SP140L: variants seen among roughly 807,000 people sequenced by gnomAD.
SP140L encodes the protein nuclear body protein SP140-like protein.
A neutral mutation model predicts 84.3 loss-of-function variants in SP140L; 64 were observed. That is an observed-to-expected ratio of 0.76 (90% CI 0.62 to 0.94). SP140L has a LOEUF of 0.94. Among genes scored for constraint, SP140L ranks in the 40% least tolerant of loss-of-function variants. SP140L has a pLI of 0.00. For missense variants in SP140L, 628 were observed against 692.5 expected (o/e 0.91, Z 1.05); for synonymous variants, 242 against 236.9 (o/e 1.02, Z -0.20).
intron 7 of SP140L, among the ~76,000 whole-genome samples, chr2:230,376,261 A>G (rs2061237857): frequency 6.6e-6 from 1 of 152,174 alleles, no homozygotes; most frequent in South Asian, 2.1e-4. Flanking sequence ...TAGTCAGAGC[A>G]ATTAGGCAAG....
In SP140L at chr2:230,398,322, T is replaced by G. The variant is rs181135209; in HGVS notation, c.1197+1524T>G. On this transcript the variant is annotated intron_variant, in intron 14 of 18. Coordinates refer to ENST00000415673, the MANE Select transcript of SP140L (RefSeq NM_138402.6). ...TAGCATTTTATATACTCTCCTGAGA[T>G]GAGTCTAATGTACAGCCAGGCCAAC... is the stretch of plus-strand genomic sequence containing the variant. 2.2e-3 allele frequency among the ~76,000 whole-genome samples: 338 copies of G among 152,272 alleles called. 2 individuals carry two copies. Among genetic ancestry groups the G allele is most frequent in the African/African-American group, 7.4e-3 (309 of 41,544 alleles).
intron 5 of SP140L, 61 bp from the exon 6 acceptor site, chr2:230,370,847 C>A: frequency 6.5e-7 from 1 of 1,545,346 alleles, no homozygotes; most frequent in South Asian, 1.1e-5. Context: ...CAATTTTGCC[C>A]CGGGAGCAGA....
chr2:230,370,425 A>C (rs191056094), intron 5 of SP140L, among the ~76,000 whole-genome samples: 1 of 152,332 alleles, frequency 6.6e-6, no homozygotes, highest in Non-Finnish European at 1.5e-5. Flanking sequence ...AAAGGAATAA[A>C]GGCCTACTAA....
chr2:230,352,845 C>G (rs934494312), intron 2 of SP140L, among the ~76,000 whole-genome samples: 1 of 148,000 alleles, frequency 6.8e-6, no homozygotes, highest in Non-Finnish European at 1.5e-5. Context: ...TACACACATG[C>G]ACACACACAC....
chr2:230,396,243 T>A (rs1219099720), intron 13 of SP140L, among the ~76,000 whole-genome samples: 3 of 152,198 alleles, frequency 2.0e-5, no homozygotes, highest in Non-Finnish European at 4.4e-5. Context: ...CAGTAGTACT[T>A]GGGCACTTTT....
intron 11 of SP140L, among the ~76,000 whole-genome samples, chr2:230,391,313 T>C (rs892755687): frequency 6.6e-6 from 1 of 152,226 alleles, no homozygotes; most frequent in African/African-American, 2.4e-5. Context: ...CCACAGTAGC[T>C]GCACTATTCT....
At chr2:230,365,990 C>A (rs2396746) in intron 5 of SP140L, among the ~76,000 whole-genome samples, 1 of 151,932 alleles carries the variant, frequency 6.6e-6, no homozygotes, top group Non-Finnish European at 1.5e-5. Flanking sequence ...AGAAAAGATA[C>A]CTGATATAAT....
chr2:230,392,779 T>G (rs2061877201), intron 12 of SP140L, among the ~76,000 whole-genome samples: 1 of 152,092 alleles, frequency 6.6e-6, no homozygotes, highest in Admixed American at 6.6e-5. Flanking sequence ...AAAACAGTAT[T>G]TTAGACAGCA....
At chr2:230,331,176 C>T (rs1047553772) in intron 2 of SP140L, among the ~76,000 whole-genome samples, 3 of 152,206 alleles carry the variant, frequency 2.0e-5, no homozygotes, top group Non-Finnish European at 4.4e-5. Flanking sequence ...CTAATATCTA[C>T]AGTTCAATCT....
chr2:230,356,284 C>T (rs538612568), intron 2 of SP140L, among the ~76,000 whole-genome samples: 6 of 152,220 alleles, frequency 3.9e-5, no homozygotes, highest in Middle Eastern at 3.4e-3. Flanking sequence ...CATTTTGCCA[C>T]AAAAAGACTT....
intron 2 of SP140L, among the ~76,000 whole-genome samples, chr2:230,347,822 C>T (rs1479263531): frequency 6.6e-6 from 1 of 152,230 alleles, no homozygotes. Context: ...ACTATGCTCC[C>T]TGGCCAAATA....
intron 2 of SP140L, among the ~76,000 whole-genome samples, chr2:230,331,097 G>A (rs1038537711): frequency 2.6e-5 from 4 of 152,012 alleles, no homozygotes; most frequent in African/African-American, 7.3e-5. Context: ...AAGAGAAGCC[G>A]TCAAGTGCTT....
intron 9 of SP140L, among the ~76,000 whole-genome samples, chr2:230,386,519 A>T (rs1411630356): frequency 1.3e-5 from 2 of 152,200 alleles, no homozygotes; most frequent in Non-Finnish European, 2.9e-5. Flanking sequence ...GTATTTATTA[A>T]GGTTTATGTT....
At position 230,336,188 on chromosome 2, in the gene SP140L, G is replaced by A. The variant is rs527892082; in HGVS notation, c.107+7357G>A. Among the ~76,000 whole-genome samples, 294 of 152,282 alleles carry A rather than the reference G, an allele frequency of 1.9e-3. 1 individual carries two copies. The highest frequency in any genetic ancestry group is 6.7e-3 in the African/African-American group (278 of 41,552). On this transcript the variant is annotated intron_variant, in intron 2 of 18. Coordinates refer to ENST00000415673, the MANE Select transcript of SP140L (RefSeq NM_138402.6). ...CATGATGGGATTGGGAGGTTTCCCC[G>A]TGGAAGTCTTATAGTAATAGGGGCA...
chr2:230,362,887 GAA>G (rs200934291), intron 5 of SP140L, among the ~76,000 whole-genome samples: 2 of 142,462 alleles, frequency 1.4e-5, no homozygotes, highest in African/African-American at 5.1e-5. Flanking sequence ...GAAAGATACA[GAA>G]AAAAAAAAAA....
intron 8 of SP140L, 38 bp from the exon 9 acceptor site, chr2:230,385,186 C>A: frequency 6.2e-7 from 1 of 1,606,096 alleles, no homozygotes; most frequent in South Asian, 1.1e-5. Context: ...GTTGTTCTGC[C>A]CAGTTCTATT....
intron 2 of SP140L, among the ~76,000 whole-genome samples, chr2:230,339,591 G>T (rs1208681336): frequency 1.3e-5 from 2 of 148,740 alleles, no homozygotes; most frequent in African/African-American, 2.5e-5. Context: ...TGATGTTAGG[G>T]TGTCAATTTT....
chr2:230,329,249 A>G (rs1381358958), intron 2 of SP140L, among the ~76,000 whole-genome samples: 1 of 152,208 alleles, frequency 6.6e-6, no homozygotes, highest in Non-Finnish European at 1.5e-5. Flanking sequence ...CCTTTGTTCC[A>G]GGAAAAGTTC....
rs1286996178 is a variant in SP140L, at chr2:230,402,797, G to A, written c.1645-1G>A. On this transcript the variant is annotated splice_acceptor_variant, in intron 18 of 18. Coordinates refer to ENST00000415673, the MANE Select transcript of SP140L (RefSeq NM_138402.6). LOFTEE classifies it high-confidence loss of function. The stretch of plus-strand genomic sequence containing the variant: ...TTTTTGTCTTTATTACTTTTTTCCA[G>A]TATAAGGATTTTGGCCAAATGGGAC... 7.4e-5 allele frequency: 119 copies of A among 1,610,358 alleles called. No individual in the cohort carries two copies. The highest frequency in any genetic ancestry group is 1.0e-4 in the Non-Finnish European group (118 of 1,178,432).
Sources: allele counts gnomAD v4.1 joint callset (sites outside exome capture counted in the v4.1 genomes callset), GRCh38; gene constraint gnomAD v4.1.1; transcripts MANE v1.5; gene names NCBI Gene and HGNC (gene_info 2026-07-23, HGNC 2026-07-21).